The following TMEFF2 variants were observed in gnomAD, a reference collection of about 807,000 sequenced individuals.
TMEFF2 encodes transmembrane protein with EGF like and two follistatin like domains 2, also known as tomoregulin-2.
A neutral mutation model predicts 53.8 loss-of-function variants in TMEFF2; 28 were observed. The observed-to-expected ratio is 0.52, with a 90% CI of 0.39 to 0.71. The LOEUF (loss-of-function observed/expected upper bound fraction) is 0.71. TMEFF2 is among the 30% of genes least tolerant of loss of function. TMEFF2 has a pLI of 0.00. For missense variants in TMEFF2, 353 were observed against 455.2 expected (o/e 0.78, Z 2.04); for synonymous variants, 162 against 166.3 (o/e 0.97, Z 0.20).
intron 5 of TMEFF2, among the ~76,000 whole-genome samples, chr2:192,034,512 G>A (rs995059647): frequency 3.3e-5 from 5 of 152,070 alleles, no homozygotes; most frequent in African/African-American, 4.8e-5. Flanking sequence ...TCTCTACATT[G>A]GTAGGTCCTA....
At chr2:192,043,975 G>T (rs1687550818) in intron 5 of TMEFF2, 1 of 152,178 alleles carries the variant, frequency 6.6e-6, no homozygotes, top group African/African-American at 2.4e-5. Flanking sequence ...AATTGCAGCT[G>T]CTGTACTGGA....
At chr2:192,036,539 A>G (rs1687297281) in intron 5 of TMEFF2, 1 of 152,238 alleles carries the variant, frequency 6.6e-6, no homozygotes, top group Admixed American at 6.5e-5. Flanking sequence ...TAACTCCTGA[A>G]TAAATATCTG....
chr2:192,056,732 T>A (rs1247616972), intron 5 of TMEFF2, among the ~76,000 whole-genome samples: 2 of 152,108 alleles, frequency 1.3e-5, no homozygotes, highest in Non-Finnish European at 2.9e-5. Flanking sequence ...AAGATGATAG[T>A]ATTGGGAGGT....
At chr2:192,118,059 A>T (rs74189537) in intron 4 of TMEFF2, among the ~76,000 whole-genome samples, 18,659 of 75,156 alleles carry the variant, frequency 0.25, 1,725 homozygotes, top group African/African-American at 0.33. Flanking sequence ...TCCATTAATT[A>T]AAAAAAAAAA....
At chr2:192,080,036 GAC>G (rs1688516800) in intron 4 of TMEFF2, among the ~76,000 whole-genome samples, 1 of 152,144 alleles carries the variant, frequency 6.6e-6, no homozygotes, top group Admixed American at 6.6e-5. Context: ...AAATGATGAT[GAC>G]ATAGTCCAAT....
At chr2:192,102,595 A>G (rs915653858) in intron 4 of TMEFF2, among the ~76,000 whole-genome samples, 5 of 134,752 alleles carry the variant, frequency 3.7e-5, no homozygotes, top group East Asian at 2.1e-4. Flanking sequence ...TTTTAATATC[A>G]TCTTCTCAAT....
At chr2:192,166,705 C>A (rs1235207053) in intron 4 of TMEFF2, among the ~76,000 whole-genome samples, 1 of 152,096 alleles carries the variant, frequency 6.6e-6, no homozygotes, top group Non-Finnish European at 1.5e-5. Flanking sequence ...TGGAGAGACT[C>A]CAGGGGCCAG....
chr2:192,097,504 AC>A lies in TMEFF2; in HGVS notation c.440-39730del, dbSNP rs531461169. ...CATTTCGAATAGATTTTAAGATACAACAGACACCCTCAATGGACCTACCATA... is the reference window on the plus strand; with the variant it reads ...CATTTCGAATAGATTTTAAGATACAAAGACACCCTCAATGGACCTACCATA... On this transcript the variant is annotated intron_variant, in intron 4 of 9. Coordinates refer to ENST00000272771, the MANE Select transcript of TMEFF2 (RefSeq NM_016192.4). Among the ~76,000 whole-genome samples, 609 of 152,350 alleles carry A rather than the reference AC, an allele frequency of 4.0e-3. 5 individuals carry two copies. Among genetic ancestry groups the A allele is most frequent in the Non-Finnish European group, 7.2e-3 (492 of 68,032 alleles).
chr2:192,148,474 A>C (rs1167175913), intron 4 of TMEFF2, among the ~76,000 whole-genome samples: 2 of 152,028 alleles, frequency 1.3e-5, no homozygotes, highest in Non-Finnish European at 2.9e-5. Context: ...GACATGCTAC[A>C]GAATTTTGAC....
chr2:191,981,037 C>A (rs1685840392), intron 7 of TMEFF2, among the ~76,000 whole-genome samples: 1 of 151,988 alleles, frequency 6.6e-6, no homozygotes, highest in African/African-American at 2.4e-5. Context: ...GCCTAATGCC[C>A]TCCCTCTCTA....
At chr2:191,967,018 T>G (rs1382066981) in intron 7 of TMEFF2, among the ~76,000 whole-genome samples, 1 of 151,838 alleles carries the variant, frequency 6.6e-6, no homozygotes, top group Non-Finnish European at 1.5e-5. Context: ...GAAAACTGGT[T>G]TAAAACTGAA....
chr2:192,005,824 CT>C (rs1686486612), intron 5 of TMEFF2, among the ~76,000 whole-genome samples: 1 of 152,094 alleles, frequency 6.6e-6, no homozygotes, highest in Admixed American at 6.5e-5. Flanking sequence ...GCTTATGATA[CT>C]TTAAGCCCAT....
chr2:192,122,088 G>A (rs1255057711), intron 4 of TMEFF2, among the ~76,000 whole-genome samples: 1 of 152,054 alleles, frequency 6.6e-6, no homozygotes, highest in African/African-American at 2.4e-5. Context: ...TATTTCAGGT[G>A]ATGAATATGC....
chr2:192,183,914 A>C lies in TMEFF2; in HGVS notation c.412+440T>G, dbSNP rs569365272. On this transcript the variant is annotated intron_variant, in intron 3 of 9. Transcript: ENST00000272771. ...AAGAAGACCATTTTGTAGAGCTGCT[A>C]AGATTAGACGTCAACTTCAGAGCCC... is the stretch of plus-strand genomic sequence containing the variant. Among the ~76,000 whole-genome samples the C allele has an allele frequency of 2.6e-5, 4 of 152,250 alleles. No homozygotes were observed. In the East Asian group the frequency reaches 7.7e-4, roughly 29 times the overall value.
intron 4 of TMEFF2, among the ~76,000 whole-genome samples, chr2:192,142,881 T>C (rs1339333055): frequency 6.6e-6 from 1 of 152,226 alleles, no homozygotes; most frequent in Non-Finnish European, 1.5e-5. Context: ...AGCCTGCTTA[T>C]GAAGGACAAC....
chr2:191,979,842 C>CTATATATATCTCTATCTATCTA (rs1553509618), intron 7 of TMEFF2, among the ~76,000 whole-genome samples: 1 of 147,252 alleles, frequency 6.8e-6, no homozygotes, highest in African/African-American at 2.7e-5. Flanking sequence ...CTATATATAT[C>CTATATATATCTCTATCTATCTA]TCTATCTATC....
intron 5 of TMEFF2, among the ~76,000 whole-genome samples, chr2:192,047,974 T>C (rs1385487903): frequency 6.6e-6 from 1 of 152,176 alleles, no homozygotes; most frequent in Non-Finnish European, 1.5e-5. Context: ...CATCTAACAA[T>C]GCTTATGCCT....
chr2:191,956,132 GAA>G, intron 8 of TMEFF2, 121 bp downstream of exon 8: 1 of 1,043,890 alleles, frequency 9.6e-7, no homozygotes, highest in Non-Finnish European at 1.4e-6. Flanking sequence ...GAGGAGCAGA[GAA>G]AAGTTTTGTT....
At chr2:192,107,483 A>G (rs937774502) in intron 4 of TMEFF2, among the ~76,000 whole-genome samples, 4 of 151,804 alleles carry the variant, frequency 2.6e-5, no homozygotes, top group African/African-American at 9.7e-5. Context: ...CATGAACGTC[A>G]GTGTAAATGC....
Sources: allele counts gnomAD v4.1 joint callset (sites outside exome capture counted in the v4.1 genomes callset), GRCh38; gene constraint gnomAD v4.1.1; transcripts MANE v1.5; gene names NCBI Gene and HGNC (gene_info 2026-07-23, HGNC 2026-07-21).